Variants in ARID1B observed in about 807,000 individuals in gnomAD.
ARID1B encodes AT-rich interactive domain-containing protein 1B.
Under a neutral mutation model 212.3 loss-of-function variants are expected in ARID1B, and 30 were observed. That is an observed-to-expected ratio of 0.14 (90% CI 0.11 to 0.19). ARID1B has a LOEUF of 0.19. Among genes scored for constraint, ARID1B ranks in the 10% least tolerant of loss-of-function variants. ARID1B has a pLI of 1.00. For synonymous variants in ARID1B, 1,402 were observed against 1,301.7 expected, an observed-to-expected ratio of 1.08 and a Z score of -1.66; for missense variants, 2,891 against 3,204.0, an observed-to-expected ratio of 0.90 and a Z score of 2.36.
intron 2 of ARID1B, among the ~76,000 whole-genome samples, chr6:156,851,251 C>A (rs949985043): frequency 6.6e-6 from 1 of 152,130 alleles, no homozygotes; most frequent in Non-Finnish European, 1.5e-5. Context: ...CTTAAGACTT[C>A]GAGGAGGAAG....
At chr6:156,928,150 A>G (rs1297832177) in intron 3 of ARID1B, among the ~76,000 whole-genome samples, 1 of 152,194 alleles carries the variant, frequency 6.6e-6, no homozygotes, top group Non-Finnish European at 1.5e-5. Context: ...GGCCCTGTAG[A>G]AGCTGACCTG....
chr6:156,860,060 T>C (rs1236162957), intron 2 of ARID1B, among the ~76,000 whole-genome samples: 1 of 152,200 alleles, frequency 6.6e-6, no homozygotes, highest in Non-Finnish European at 1.5e-5. Flanking sequence ...CTCAGTCAGT[T>C]TGTTAGTGGA....
At chr6:157,038,935 A>T (rs1266836330) in intron 4 of ARID1B, among the ~76,000 whole-genome samples, 3 of 151,202 alleles carry the variant, frequency 2.0e-5, no homozygotes, top group South Asian at 2.1e-4. Flanking sequence ...ACTGGGTCTC[A>T]CTCTGTTGCC....
chr6:156,783,131 G>C (rs1329091320), intron 1 of ARID1B, among the ~76,000 whole-genome samples: 4 of 151,752 alleles, frequency 2.6e-5, no homozygotes, highest in Non-Finnish European at 4.4e-5. Context: ...CTTTGGCTCT[G>C]CTTGTCTATA....
chr6:157,009,058 A>G (rs1269357005), intron 4 of ARID1B, among the ~76,000 whole-genome samples: 1 of 152,218 alleles, frequency 6.6e-6, no homozygotes, highest in South Asian at 2.1e-4. Context: ...AATACCAGTC[A>G]TTCCTCTGTG....
At chr6:157,186,240 G>C (rs1406753250) in intron 13 of ARID1B, 2 of 340,490 alleles carry the variant, frequency 5.9e-6, no homozygotes, top group Non-Finnish European at 1.2e-5. Flanking sequence ...TCTCTTAACA[G>C]CCAGCCGTTC....
At chr6:156,954,444 AT>A (rs148373708) in intron 4 of ARID1B, among the ~76,000 whole-genome samples, 5 of 151,466 alleles carry the variant, frequency 3.3e-5, no homozygotes, top group East Asian at 1.9e-4. Flanking sequence ...CATACATATG[AT>A]TTTTTTTTAT....
At chr6:157,007,836 C>T (rs982972744) in intron 4 of ARID1B, among the ~76,000 whole-genome samples, 10 of 151,648 alleles carry the variant, frequency 6.6e-5, no homozygotes, top group African/African-American at 1.9e-4. Flanking sequence ...CCACCATGCC[C>T]GGCTAATTTT....
At chr6:156,979,750 G>T (rs1340988238) in intron 4 of ARID1B, among the ~76,000 whole-genome samples, 1 of 152,140 alleles carries the variant, frequency 6.6e-6, no homozygotes, top group Non-Finnish European at 1.5e-5. Flanking sequence ...TAGAGACGGG[G>T]TTTCACCACA....
chr6:156,930,488 G>A (rs977069340), intron 3 of ARID1B, among the ~76,000 whole-genome samples: 3 of 152,148 alleles, frequency 2.0e-5, no homozygotes, highest in African/African-American at 7.2e-5. Context: ...GCAGTCTTAG[G>A]TATTTCTTTA....
intron 4 of ARID1B, among the ~76,000 whole-genome samples, chr6:157,046,097 T>C (rs1358467359): frequency 6.6e-6 from 1 of 152,242 alleles, no homozygotes; most frequent in Non-Finnish European, 1.5e-5. Context: ...TGCTTTATTT[T>C]TATTTAGAAA....
chr6:157,101,137 G>A (rs969079589), intron 5 of ARID1B, among the ~76,000 whole-genome samples: 1 of 152,138 alleles, frequency 6.6e-6, no homozygotes, highest in Non-Finnish European at 1.5e-5. Flanking sequence ...AGATGAACAC[G>A]ATCATAGTAG....
At chr6:157,032,724 A>G (rs1373922788) in intron 4 of ARID1B, among the ~76,000 whole-genome samples, 1 of 152,254 alleles carries the variant, frequency 6.6e-6, no homozygotes, top group Non-Finnish European at 1.5e-5. Context: ...TTAATTGAAC[A>G]AGAAGCACAT....
intron 9 of ARID1B, chr6:157,169,065 G>A (rs1329638822): frequency 6.6e-6 from 1 of 151,060 alleles, no homozygotes; most frequent in East Asian, 1.9e-4. Flanking sequence ...GAGTGACGCA[G>A]AGCGTTACAG....
intron 2 of ARID1B, among the ~76,000 whole-genome samples, chr6:156,898,116 C>A (rs998009673): frequency 1.3e-5 from 2 of 152,064 alleles, no homozygotes; most frequent in Non-Finnish European, 2.9e-5. Flanking sequence ...GAGGGAGGGC[C>A]GCCCGAGCTA....
intron 7 of ARID1B, among the ~76,000 whole-genome samples, chr6:157,142,832 T>C (rs1423211024): frequency 1.3e-5 from 2 of 152,188 alleles, no homozygotes; most frequent in Non-Finnish European, 2.9e-5. Flanking sequence ...TTCACCTCCA[T>C]TTTCTCCTCC....
At chr6:156,823,690 T>TG (rs202218245) in intron 1 of ARID1B, among the ~76,000 whole-genome samples, 24,324 of 144,018 alleles carry the variant, frequency 0.17, 2,305 homozygotes, top group Non-Finnish European at 0.21. Context: ...TCTTTGTTGT[T>TG]TTTTTTTTTT....
chr6:157,200,866 G>C lies in ARID1B; in HGVS notation c.4641G>C (p.Pro1547=), dbSNP rs146625434. 12 of 1,613,924 alleles carry C rather than the reference G, an allele frequency of 7.4e-6. No individual in the cohort carries two copies. The East Asian group carries it at 2.7e-4, about 36-fold the overall frequency. ...GCAGGCCCATCCAGGGCCAGTACCC[G>C]TATCCCTACAGCAGGGAGAGGATGC... is the stretch of plus-strand genomic sequence containing the variant. ...PDRRPIQGQY[P]YPYSRERMQG... is the part of the protein sequence containing the mutation. Residue 1547 remains proline (P), a synonymous_variant, in exon 18 of 20, where the codon CCG becomes CCC. Transcript: ENST00000636930. The surrounding 1 kb of genome is among the most constrained non-coding windows in gnomAD (Gnocchi z 4.3).
chr6:156,891,932 C>T (rs568692923), intron 2 of ARID1B, among the ~76,000 whole-genome samples: 7 of 148,252 alleles, frequency 4.7e-5, no homozygotes, highest in East Asian at 2.0e-4. Context: ...AGTACAATGG[C>T]GCAATTTCGG....
Sources: gnomAD v4.1 joint callset for allele counts (sites outside exome capture counted in the v4.1 genomes callset) on GRCh38, gnomAD v4.1.1 for gene constraint, Gnocchi (gnomAD v3.1) non-coding constraint, MANE v1.5 for transcripts, NCBI Gene and HGNC (gene_info 2026-07-23, HGNC 2026-07-21) for gene names.